Variants in ZMAT5 observed in about 807,000 individuals in gnomAD.
ZMAT5 encodes the protein zinc finger matrin-type 5, also known as zinc finger matrin-type protein 5.
In ZMAT5, 23 loss-of-function variants were observed where a neutral mutation model predicts 28.0. The observed-to-expected ratio is 0.82, with a 90% CI of 0.59 to 1.16. ZMAT5 has a LOEUF of 1.16. ZMAT5 is among the 50% of genes most tolerant of loss of function. ZMAT5 has a pLI of 0.00. For missense variants in ZMAT5, 173 were observed against 212.7 expected, an observed-to-expected ratio of 0.81 and a Z score of 1.16; for synonymous variants, 76 against 84.1, an observed-to-expected ratio of 0.90 and a Z score of 0.52.
At chr22:29,752,148 T>C (rs1439502091) in intron 1 of ZMAT5, among the ~76,000 whole-genome samples, 3 of 151,940 alleles carry the variant, frequency 2.0e-5, no homozygotes, top group Admixed American at 6.6e-5. Flanking sequence ...CTCACACACA[T>C]AGGAAGGGCA....
At position 29,740,669 on chromosome 22, in the gene ZMAT5, C is replaced by T. The variant is rs748559273; in HGVS notation, c.252G>A (p.Glu84=). Residue 84 remains glutamate (E), a synonymous_variant, in exon 4 of 6, where the codon GAG becomes GAA. Coordinates refer to ENST00000344318, the MANE Select transcript of ZMAT5 (RefSeq NM_001003692.2). ...ACGTACCCTCCACCTGGATGCTCAG[C>T]TCCTGCAGGTCTCGCTCTGACATGT... ...FSHMSERDLQ[E]LSIQVEEERR... is the part of the protein sequence containing the mutation. The T allele has an allele frequency of 2.1e-5, 34 of 1,603,468 alleles. No homozygotes were observed. The highest frequency in any genetic ancestry group is 2.6e-5 in the Non-Finnish European group (31 of 1,175,394).
chr22:29,764,743 T>C (rs1346712200), intron 1 of ZMAT5, among the ~76,000 whole-genome samples: 1 of 152,108 alleles, frequency 6.6e-6, no homozygotes, highest in Non-Finnish European at 1.5e-5. Context: ...CCTCAAGTGA[T>C]CCACCCACCT....
chr22:29,758,395 T>C (rs1393021077), intron 1 of ZMAT5, among the ~76,000 whole-genome samples: 1 of 152,190 alleles, frequency 6.6e-6, no homozygotes, highest in African/African-American at 2.4e-5. Flanking sequence ...AAAGGAGGAT[T>C]GCTTAAGTCC....
At position 29,766,978 on chromosome 22, in the gene ZMAT5, T is replaced by G. The variant is rs1159663901; in HGVS notation, c.-134A>C. 6.4e-6 allele frequency: 1 copy of G among 157,238 alleles called. No homozygotes were observed. Among genetic ancestry groups the G allele is most frequent in the African/African-American group, 2.4e-5 (1 of 41,506 alleles). 9.7% of individuals were successfully genotyped at this position (157,238 alleles called of 1,614,324 possible). A position where few individuals can be genotyped will look rare whatever the true frequency, so the allele number is the denominator to read the frequency against. ...CTCCCCGGTGGCTGCAGCTCCGGGC[T>G]CCTCCTCCTGCGTCCTCGCGTCGCG... On this transcript the variant is annotated 5_prime_UTR_variant, in exon 1 of 6. Transcript: ENST00000344318.
chr22:29,748,584 A>G lies in ZMAT5; in HGVS notation c.-27-13T>C. The G allele has an allele frequency of 6.2e-7, 1 of 1,613,118 alleles. No individual in the cohort carries two copies. Among genetic ancestry groups the G allele is most frequent in the Non-Finnish European group, 8.5e-7 (1 of 1,179,808 alleles). On this transcript the variant is annotated splice_polypyrimidine_tract_variant and intron_variant, in intron 1 of 5. Coordinates refer to ENST00000344318, the MANE Select transcript of ZMAT5 (RefSeq NM_001003692.2). ...GGTGCTTTGCTGCCTGGGAAGCCAC[A>G]AAGAGCTCAGATTAGACCATTGGAG...
Position 29,743,580 on chromosome 22 carries a change from G to A in ZMAT5, c.128-1100C>T, listed in dbSNP as rs5997514. 2.0e-3 allele frequency among the ~76,000 whole-genome samples: 298 copies of A among 152,052 alleles called. 4 individuals carry two copies. The highest frequency in any genetic ancestry group is 4.2e-3 in the African/African-American group (176 of 41,478). The stretch of plus-strand genomic sequence containing the variant: ...CGAGTAGCTGGGACTACAGGCGTCC[G>A]CCACCATGCCCGGCTAATTTTTTAA... On this transcript the variant is annotated intron_variant, in intron 2 of 5. Transcript: ENST00000344318.
chr22:29,731,184 G>T lies in ZMAT5; in HGVS notation c.*41C>A. 1 of 1,458,858 alleles carries T rather than the reference G, an allele frequency of 6.9e-7. No homozygotes were observed. 90.4% of individuals were successfully genotyped at this position (1,458,858 alleles called of 1,614,324 possible). On this transcript the variant is annotated 3_prime_UTR_variant, in exon 6 of 6. Coordinates refer to ENST00000344318, the MANE Select transcript of ZMAT5 (RefSeq NM_001003692.2). ...GGCTTGGCTTCCTATTGTGACTGATGAGAAAAGTGACCACGTGGGGGTCAG... is the reference window on the plus strand; with the variant it reads ...GGCTTGGCTTCCTATTGTGACTGATTAGAAAAGTGACCACGTGGGGGTCAG...
At chr22:29,757,671 A>G (rs1221602002) in intron 1 of ZMAT5, among the ~76,000 whole-genome samples, 2 of 152,132 alleles carry the variant, frequency 1.3e-5, no homozygotes, top group Non-Finnish European at 1.5e-5. Flanking sequence ...GGTCTATGTG[A>G]CCAAGAGAAC....
intron 3 of ZMAT5, 22 bp downstream of exon 3, chr22:29,742,396 T>C: frequency 6.2e-7 from 1 of 1,612,100 alleles, no homozygotes; most frequent in Non-Finnish European, 8.5e-7. Flanking sequence ...CGCAGGGACC[T>C]GAGCTGTGCA....
rs540782043 is a variant in ZMAT5, at chr22:29,750,155, T to C, written c.-27-1584A>G. Among the ~76,000 whole-genome samples the C allele has an allele frequency of 9.8e-5, 15 of 152,322 alleles. No individual in the cohort carries two copies. In the East Asian group the frequency reaches 2.9e-3, roughly 29 times the overall value. On this transcript the variant is annotated intron_variant, in intron 1 of 5. Transcript: ENST00000344318. ...AATAGTGCACAGTACAGAGTAGGCA[T>C]TGAAGTACTTGTTAAATGTATCAAT... is the stretch of plus-strand genomic sequence containing the variant.
intron 1 of ZMAT5, 121 bp downstream of exon 1, chr22:29,766,751 G>C (rs1172191667): frequency 6.6e-6 from 1 of 152,560 alleles, no homozygotes; most frequent in Non-Finnish European, 1.5e-5. Context: ...GCCTAGACTT[G>C]GGGCTGGTGC....
At chr22:29,743,592 G>A (rs749914165) in intron 2 of ZMAT5, among the ~76,000 whole-genome samples, 8 of 152,030 alleles carry the variant, frequency 5.3e-5, no homozygotes, top group African/African-American at 7.2e-5. Context: ...CACCATGCCC[G>A]GCTAATTTTT....
At chr22:29,761,296 C>T (rs1321311077) in intron 1 of ZMAT5, among the ~76,000 whole-genome samples, 2 of 131,794 alleles carry the variant, frequency 1.5e-5, no homozygotes, top group African/African-American at 2.9e-5. Flanking sequence ...AAAAAAATAG[C>T]TGTAGACAGG....
chr22:29,755,929 ACT>A (rs1569340289), intron 1 of ZMAT5, among the ~76,000 whole-genome samples: 1 of 152,010 alleles, frequency 6.6e-6, no homozygotes, highest in Non-Finnish European at 1.5e-5. Flanking sequence ...CCCAGAGCCC[ACT>A]CTCTCTCCAT....
At chr22:29,766,538 T>C (rs900415616) in intron 1 of ZMAT5, among the ~76,000 whole-genome samples, 10 of 152,174 alleles carry the variant, frequency 6.6e-5, no homozygotes, top group Admixed American at 6.5e-4. Context: ...AAAACATCTG[T>C]TGAATGCCCC....
intron 1 of ZMAT5, among the ~76,000 whole-genome samples, chr22:29,760,526 A>G (rs981510437): frequency 6.6e-6 from 1 of 152,164 alleles, no homozygotes; most frequent in Non-Finnish European, 1.5e-5. Flanking sequence ...GTGACAGAGC[A>G]AGACTCTGTC....
At chr22:29,732,780 C>T (rs1217518519) in intron 5 of ZMAT5, among the ~76,000 whole-genome samples, 1 of 149,440 alleles carries the variant, frequency 6.7e-6, no homozygotes, top group Non-Finnish European at 1.5e-5. Context: ...TGCACATCCA[C>T]ATCCACAGCA....
At chr22:29,740,884 G>A (rs1033309166) in intron 3 of ZMAT5, among the ~76,000 whole-genome samples, 154 bp from the exon 4 acceptor site, 6 of 152,098 alleles carry the variant, frequency 3.9e-5, no homozygotes, top group African/African-American at 1.2e-4. Context: ...GAATCTCTCC[G>A]GCCCTGCCCA....
chr22:29,760,642 C>T (rs1026176076), intron 1 of ZMAT5, among the ~76,000 whole-genome samples: 2 of 152,096 alleles, frequency 1.3e-5, no homozygotes, highest in Non-Finnish European at 1.5e-5. Flanking sequence ...AGTCTAATAC[C>T]CCTTAAGAAG....
Sources: gnomAD v4.1 joint callset for allele counts (sites outside exome capture counted in the v4.1 genomes callset) on GRCh38, gnomAD v4.1.1 for gene constraint, MANE v1.5 for transcripts, NCBI Gene and HGNC (gene_info 2026-07-23, HGNC 2026-07-21) for gene names.